Variants in SPECC1L observed in about 807,000 individuals in gnomAD.
SPECC1L encodes cytospin-A.
A neutral mutation model predicts 116.8 loss-of-function variants in SPECC1L; 40 were observed. That is an observed-to-expected ratio of 0.34 (90% CI 0.27 to 0.45). The LOEUF is 0.45. SPECC1L is among the 20% of genes least tolerant of loss of function. The pLI is 1.00. For missense variants in SPECC1L, 1,110 were observed against 1,373.6 expected, an observed-to-expected ratio of 0.81 and a Z score of 3.03; for synonymous variants, 504 against 500.6, an observed-to-expected ratio of 1.01 and a Z score of -0.09.
At chr22:24,383,318 T>G (rs958257107) in intron 14 of SPECC1L, among the ~76,000 whole-genome samples, 2 of 152,206 alleles carry the variant, frequency 1.3e-5, no homozygotes, top group African/African-American at 4.8e-5. Context: ...GGCTCATACC[T>G]GTAATCCTAG....
chr22:24,393,433 T>A (rs1424046358), intron 14 of SPECC1L, among the ~76,000 whole-genome samples: 1 of 152,196 alleles, frequency 6.6e-6, no homozygotes, highest in Non-Finnish European at 1.5e-5. Flanking sequence ...ACCTAAGATT[T>A]AGCTTATACC....
chr22:24,355,934 G>C (rs1017810367), intron 11 of SPECC1L, among the ~76,000 whole-genome samples: 1 of 150,542 alleles, frequency 6.6e-6, no homozygotes, highest in Non-Finnish European at 1.5e-5. Flanking sequence ...ACACAGTTCT[G>C]TACACAAGAG....
rs114364174 is a variant in SPECC1L, at chr22:24,394,788, T to A, written c.3088-16800T>A. ...TGATAACTAATGGTGTTAAGCATCT[T>A]TCCACATGCTTATTTGCCACCGTAT... On this transcript the variant is annotated intron_variant, in intron 14 of 16. Transcript: ENST00000314328. 7.6e-3 allele frequency among the ~76,000 whole-genome samples: 1,159 copies of A among 152,328 alleles called. 12 individuals carry two copies. Among genetic ancestry groups the A allele is most frequent in the African/African-American group, 0.026 (1,087 of 41,560 alleles).
Position 24,276,101 on chromosome 22 carries a change from T to C in SPECC1L, c.-141-599T>C, listed in dbSNP as rs552479487. 3.3e-5 allele frequency among the ~76,000 whole-genome samples: 5 copies of C among 151,992 alleles called. No individual in the cohort carries two copies. In the South Asian group the frequency reaches 1.0e-3, roughly 32 times the overall value. On this transcript the variant is annotated intron_variant, in intron 1 of 16. Coordinates refer to ENST00000314328, the MANE Select transcript of SPECC1L (RefSeq NM_015330.6). The stretch of plus-strand genomic sequence containing the variant: ...GGAAAGAAGTATGCAAAGAAACTGG[T>C]GGCAGGCTGGATGTGGGCATATTTC...
Position 24,412,719 on chromosome 22 carries a change from T to C in SPECC1L, c.3264+12T>C. 3.1e-6 allele frequency: 5 copies of C among 1,613,804 alleles called. No individual in the cohort carries two copies. Among genetic ancestry groups the C allele is most frequent in the Non-Finnish European group, 4.2e-6 (5 of 1,179,882 alleles). On this transcript the variant is annotated intron_variant, in intron 16 of 16. Transcript: ENST00000314328. ...TCAAATCCACACTGGTGAGCCCTTGTCCCCCTGAGTCACTGGCAGGGCCCT... is the reference window on the plus strand; with the variant it reads ...TCAAATCCACACTGGTGAGCCCTTGCCCCCCTGAGTCACTGGCAGGGCCCT...
chr22:24,359,567 A>G (rs938912191), intron 11 of SPECC1L, among the ~76,000 whole-genome samples: 2 of 151,922 alleles, frequency 1.3e-5, no homozygotes, highest in African/African-American at 4.8e-5. Context: ...TGTCCCTCAC[A>G]TTGGCTCCCC....
At chr22:24,396,564 C>A (rs1439601948) in intron 14 of SPECC1L, among the ~76,000 whole-genome samples, 1 of 152,110 alleles carries the variant, frequency 6.6e-6, no homozygotes, top group Non-Finnish European at 1.5e-5. Context: ...TCCCAAAGTG[C>A]TGGAATTACA....
At chr22:24,348,901 G>A (rs2146570040) in intron 11 of SPECC1L, among the ~76,000 whole-genome samples, 1 of 152,334 alleles carries the variant, frequency 6.6e-6, no homozygotes, top group African/African-American at 2.4e-5. Flanking sequence ...CTAATCTGAT[G>A]TGACCCGTCA....
In SPECC1L at chr22:24,390,878, T is replaced by TC. The variant is rs1601333804; in HGVS notation, c.3088-20710_3088-20709insC. On this transcript the variant is annotated intron_variant, in intron 14 of 16. Transcript: ENST00000314328. The stretch of plus-strand genomic sequence containing the variant: ...TTTTTTTTTTTTTTCTTTTCTTTTT[T>TC]TTTTTTTTTTTTTTTTTTTTGAGTC... 1.0e-3 allele frequency among the ~76,000 whole-genome samples: 95 copies of TC among 91,240 alleles called. 2 individuals are homozygous for TC. Among genetic ancestry groups the TC allele is most frequent in the African/African-American group, 5.0e-3 (90 of 18,046 alleles). The allele number at this position is 91,240 out of a possible 152,430, so 59.9% of individuals were successfully genotyped here. A position where few individuals can be genotyped will look rare whatever the true frequency, so the allele number is the denominator to read the frequency against.
At chr22:24,289,861 A>T (rs2049124091) in intron 2 of SPECC1L, among the ~76,000 whole-genome samples, 1 of 152,092 alleles carries the variant, frequency 6.6e-6, no homozygotes, top group African/African-American at 2.4e-5. Flanking sequence ...TGGGCTTTCC[A>T]CATTGTCTGG....
intron 14 of SPECC1L, among the ~76,000 whole-genome samples, chr22:24,405,581 T>C (rs900013750): frequency 2.6e-5 from 4 of 152,122 alleles, no homozygotes; most frequent in African/African-American, 9.7e-5. Flanking sequence ...AGCTCACACC[T>C]GTAATCCCAA....
intron 14 of SPECC1L, among the ~76,000 whole-genome samples, chr22:24,376,816 GT>G (rs58308633): frequency 0.044 from 6,458 of 145,978 alleles, 303 homozygotes; most frequent in African/African-American, 0.12. Context: ...CAATCACCTA[GT>G]TTTTTTTTTT....
At chr22:24,411,116 G>C (rs1001693341) in intron 14 of SPECC1L, among the ~76,000 whole-genome samples, 5 of 152,100 alleles carry the variant, frequency 3.3e-5, no homozygotes, top group African/African-American at 1.2e-4. Context: ...TTGAACCCGG[G>C]AGGTAGAGGT....
chr22:24,363,780 C>G (rs190770441), intron 12 of SPECC1L, among the ~76,000 whole-genome samples: 320 of 152,152 alleles, frequency 2.1e-3, no homozygotes, highest in African/African-American at 7.2e-3. Flanking sequence ...ATAAGCATGT[C>G]ATTTAAAGAT....
intron 11 of SPECC1L, among the ~76,000 whole-genome samples, chr22:24,349,054 T>G (rs1422176593): frequency 1.3e-5 from 2 of 152,182 alleles, no homozygotes; most frequent in Non-Finnish European, 2.9e-5. Flanking sequence ...TTTCTTTGTT[T>G]TTTTGAGACA....
chr22:24,331,249 G>A (rs973707972), intron 8 of SPECC1L, among the ~76,000 whole-genome samples: 1 of 152,008 alleles, frequency 6.6e-6, no homozygotes, highest in Non-Finnish European at 1.5e-5. Flanking sequence ...TTATTAAGTG[G>A]GCATAGGAAG....
chr22:24,391,079 G>C (rs1352715276), intron 14 of SPECC1L, among the ~76,000 whole-genome samples: 1 of 151,704 alleles, frequency 6.6e-6, no homozygotes, highest in Non-Finnish European at 1.5e-5. Context: ...GTTTCACCCT[G>C]TTAGCAAGGA....
intron 5 of SPECC1L, chr22:24,323,239 C>G (rs1231548384): frequency 3.1e-6 from 1 of 320,918 alleles, no homozygotes; most frequent in Non-Finnish European, 4.5e-6. Flanking sequence ...TTTACCTCCC[C>G]CCGCCTCATC....
chr22:24,281,620 A>G (rs192497946), intron 2 of SPECC1L, among the ~76,000 whole-genome samples: 1 of 152,348 alleles, frequency 6.6e-6, no homozygotes, highest in African/African-American at 2.4e-5. Context: ...ATATAAAAAT[A>G]ATACTTGGTT....
Sources: allele counts gnomAD v4.1 joint callset (sites outside exome capture counted in the v4.1 genomes callset), GRCh38; gene constraint gnomAD v4.1.1; transcripts MANE v1.5; gene names NCBI Gene and HGNC (gene_info 2026-07-23, HGNC 2026-07-21).